Variants in ESRRG observed in about 807,000 individuals in gnomAD.
The protein encoded by ESRRG is estrogen related receptor gamma, also known as estrogen-related receptor gamma.
A neutral mutation model predicts 44.0 loss-of-function variants in ESRRG; 13 were observed. The ratio of observed to expected loss-of-function variants is 0.30; its 90% CI spans 0.19 to 0.47. ESRRG has a LOEUF of 0.47. Among genes scored for constraint, ESRRG ranks in the 20% least tolerant of loss-of-function variants. The pLI, the probability that ESRRG is intolerant of heterozygous loss-of-function variation, is 1.00. For synonymous variants in ESRRG, 215 were observed against 214.6 expected (o/e 1.00, Z -0.02); for missense variants, 395 against 580.6 (o/e 0.68, Z 3.29).
intron 2 of ESRRG, among the ~76,000 whole-genome samples, chr1:216,789,966 A>G (rs2094262386): frequency 6.6e-6 from 1 of 152,126 alleles, no homozygotes; most frequent in African/African-American, 2.4e-5. Flanking sequence ...CTAAGCTCCT[A>G]CCAATGAATT....
At chr1:216,835,147 A>G (rs867186554) in intron 2 of ESRRG, among the ~76,000 whole-genome samples, 2 of 115,824 alleles carry the variant, frequency 1.7e-5, no homozygotes, top group South Asian at 2.3e-4. Context: ...GGAGGAACCA[A>G]CTGATAATCA....
At chr1:216,810,595 A>AAT (rs1023787028) in intron 2 of ESRRG, among the ~76,000 whole-genome samples, 16 of 147,574 alleles carry the variant, frequency 1.1e-4, no homozygotes, top group South Asian at 4.2e-4. Flanking sequence ...TTATATATAT[A>AAT]ATATATATAT....
intron 1 of ESRRG, among the ~76,000 whole-genome samples, chr1:217,076,390 C>G (rs975030144): frequency 6.6e-6 from 1 of 152,120 alleles, no homozygotes; most frequent in Non-Finnish European, 1.5e-5. Flanking sequence ...AAACAAACCA[C>G]GAGGTTAGCA....
chr1:216,567,340 T>C (rs2059859969), intron 4 of ESRRG, among the ~76,000 whole-genome samples: 1 of 152,212 alleles, frequency 6.6e-6, no homozygotes, highest in Admixed American at 6.5e-5. Context: ...ATTTTAGCAA[T>C]GTACCAGTCA....
intron 3 of ESRRG, among the ~76,000 whole-genome samples, chr1:216,595,951 A>G (rs937261550): frequency 6.6e-6 from 1 of 152,364 alleles, no homozygotes; most frequent in East Asian, 1.9e-4. Flanking sequence ...CATGTTTCAT[A>G]TGCATGATTT....
intron 1 of ESRRG, among the ~76,000 whole-genome samples, chr1:217,113,248 G>T (rs571313320): frequency 3.3e-4 from 50 of 152,288 alleles, no homozygotes; most frequent in African/African-American, 1.2e-3. Flanking sequence ...AGAGACAAGA[G>T]CCTCAGAGAG....
chr1:216,643,183 G>A (rs2066803632), intron 3 of ESRRG, among the ~76,000 whole-genome samples: 1 of 152,164 alleles, frequency 6.6e-6, no homozygotes, highest in African/African-American at 2.4e-5. Flanking sequence ...CCAGCTGATT[G>A]GAGAGATGTA....
intron 1 of ESRRG, among the ~76,000 whole-genome samples, chr1:217,058,442 TAGAG>T (rs1326693659): frequency 2.6e-5 from 4 of 152,134 alleles, no homozygotes; most frequent in East Asian, 1.9e-4. Flanking sequence ...TCAAAATAAT[TAGAG>T]AGAACATCAG....
chr1:216,735,755 T>C (rs542895147), intron 2 of ESRRG, among the ~76,000 whole-genome samples: 13 of 151,902 alleles, frequency 8.6e-5, no homozygotes, highest in African/African-American at 2.9e-4. Flanking sequence ...CCAAGGTGGG[T>C]GGATCATGAG....
chr1:217,091,819 C>A (rs1416865976), upstream of ESRRG, among the ~76,000 whole-genome samples: 1 of 152,154 alleles, frequency 6.6e-6, no homozygotes, highest in African/African-American at 2.4e-5. Context: ...CAGTAACTAT[C>A]CAAGAGGTAC....
intron 3 of ESRRG, among the ~76,000 whole-genome samples, chr1:216,646,078 G>A (rs777430094): frequency 6.6e-6 from 1 of 151,986 alleles, no homozygotes; most frequent in South Asian, 2.1e-4. Context: ...CCTTTCTGAA[G>A]CTAAACCAGT....
chr1:216,981,778 C>A (rs1206818120), intron 1 of ESRRG, among the ~76,000 whole-genome samples: 1 of 151,990 alleles, frequency 6.6e-6, no homozygotes, highest in Non-Finnish European at 1.5e-5. Flanking sequence ...CAAACCAAGA[C>A]TTGTCACCTG....
intron 1 of ESRRG, among the ~76,000 whole-genome samples, chr1:217,001,284 T>C (rs1355458273): frequency 2.0e-5 from 3 of 152,180 alleles, no homozygotes; most frequent in Admixed American, 6.5e-5. Flanking sequence ...ACAGGAACTC[T>C]CCCACAGAAA....
chr1:216,777,259 C>G (rs1021576524), intron 2 of ESRRG, among the ~76,000 whole-genome samples: 8 of 152,082 alleles, frequency 5.3e-5, no homozygotes, highest in African/African-American at 1.9e-4. Context: ...AGTGAGGAGC[C>G]AAGATTTCAG....
At chr1:216,917,723 G>A (rs369864003) in intron 2 of ESRRG, among the ~76,000 whole-genome samples, 125 of 152,258 alleles carry the variant, frequency 8.2e-4, no homozygotes, top group African/African-American at 2.7e-3. Context: ...TTTGTTGAAC[G>A]ATTATGTGAT....
upstream of ESRRG, among the ~76,000 whole-genome samples, chr1:217,089,994 T>C (rs2092306998): frequency 6.6e-6 from 1 of 152,240 alleles, no homozygotes; most frequent in African/African-American, 2.4e-5. Context: ...CGATTCTGTT[T>C]GCATGCGTTT....
intron 2 of ESRRG, among the ~76,000 whole-genome samples, chr1:216,792,525 G>A (rs528428169): frequency 6.6e-4 from 101 of 152,212 alleles, no homozygotes; most frequent in African/African-American, 2.3e-3. Context: ...AATCTGCCTA[G>A]GCATTGTTTA....
intron 2 of ESRRG, among the ~76,000 whole-genome samples, chr1:216,784,829 A>C (rs1271012000): frequency 1.3e-5 from 2 of 152,078 alleles, no homozygotes; most frequent in Non-Finnish European, 2.9e-5. Flanking sequence ...AAAAATAAAA[A>C]TCACACTCAA....
In ESRRG at chr1:217,133,641, CTCTCTCTTTCTT is replaced by C. The variant is rs1179426513; in HGVS notation, c.-230+4014_-230+4025del. On this transcript the variant is annotated intron_variant, in intron 1 of 8. Transcript: ENST00000366940. ...TCTTTCTTTCTTTCTTTCTCTCTCT[CTCTCTCTTTCTT>C]TCTTTCTTTCTTTCTTTCTTTCTTT... is the stretch of plus-strand genomic sequence containing the variant. 6.9e-3 allele frequency among the ~76,000 whole-genome samples: 290 copies of C among 41,786 alleles called. 3 individuals carry two copies. The highest frequency in any genetic ancestry group is 0.017 in the South Asian group (29 of 1,712). 27.4% of individuals were successfully genotyped at this position (41,786 alleles called of 152,430 possible). A position where few individuals can be genotyped will look rare whatever the true frequency, so the allele number is the denominator to read the frequency against.
Sources: allele counts gnomAD v4.1 joint callset (sites outside exome capture counted in the v4.1 genomes callset), GRCh38; gene constraint gnomAD v4.1.1; transcripts MANE v1.5; gene names NCBI Gene and HGNC (gene_info 2026-07-23, HGNC 2026-07-21).